PCDHGA9: variants seen among roughly 807,000 people sequenced by gnomAD.
PCDHGA9 encodes protocadherin gamma-A9.
Under a neutral mutation model 62.5 loss-of-function variants are expected in PCDHGA9, and 37 were observed. The observed-to-expected ratio is 0.59, with a 90% CI of 0.46 to 0.78. The LOEUF is 0.78. Ranked by LOEUF, PCDHGA9 falls within the 30% of genes least tolerant of loss-of-function variation. The probability of loss-of-function intolerance (pLI) is 0.00; values close to 1 mark genes in which losing one functional copy is unlikely to be tolerated. For synonymous variants in PCDHGA9, 459 were observed against 484.6 expected (o/e 0.95, Z 0.69); for missense variants, 1,138 against 1,166.2 (o/e 0.98, Z 0.35).
At chr5:141,418,068 C>T (rs1292846589) in intron 1 of PCDHGA9, 4 of 1,614,002 alleles carry the variant, frequency 2.5e-6, no homozygotes, top group Non-Finnish European at 3.4e-6. Flanking sequence ...CGAGTGAGCG[C>T]GGAGAAGCTG....
At chr5:141,430,115 A>G (rs930805574) in intron 1 of PCDHGA9, among the ~76,000 whole-genome samples, 1 of 152,194 alleles carries the variant, frequency 6.6e-6, no homozygotes, top group Non-Finnish European at 1.5e-5. Context: ...CATGTCAACA[A>G]CCTGGTAAAG....
chr5:141,476,864 C>T lies in PCDHGA9; in HGVS notation c.2425-17943C>T, dbSNP rs1318457627. ...GCCTGTCTTCAACCAGTCCTTGTAC[C>T]GGGCGCGCGTCCTGGAGGATGCACC... is the stretch of plus-strand genomic sequence containing the variant. On this transcript the variant is annotated intron_variant, in intron 1 of 3. Coordinates refer to ENST00000573521, the MANE Select transcript of PCDHGA9 (RefSeq NM_018921.3). This position sits in a 1 kb window ranked among gnomAD's most constrained non-coding sequence, Gnocchi z 7.6. 4.3e-6 allele frequency: 7 copies of T among 1,613,838 alleles called. No homozygotes were observed. Among genetic ancestry groups the T allele is most frequent in the Non-Finnish European group, 5.9e-6 (7 of 1,180,044 alleles).
chr5:141,427,429 G>A (rs2097025761), intron 1 of PCDHGA9: 1 of 471,078 alleles, frequency 2.1e-6, no homozygotes, highest in African/African-American at 2.0e-5. Flanking sequence ...GAGGTTACAT[G>A]CCTCATAAAC....
chr5:141,456,122 C>A (rs1411002229), intron 1 of PCDHGA9, among the ~76,000 whole-genome samples: 1 of 152,176 alleles, frequency 6.6e-6, no homozygotes, highest in East Asian at 1.9e-4. Context: ...TGGTCTCCAT[C>A]TCCTGACCTC....
Position 141,491,402 on chromosome 5 carries a change from C to T in PCDHGA9, c.2425-3405C>T. 1 of 1,614,156 alleles carries T rather than the reference C, an allele frequency of 6.2e-7. No individual in the cohort carries two copies. Among genetic ancestry groups the T allele is most frequent in the Non-Finnish European group, 8.5e-7 (1 of 1,180,022 alleles). ...TCAGCGAAGTGCCTTCAGGGAAACG[C>T]AGACGGGGACGGGGGTGGAGGGCAG... On this transcript the variant is annotated intron_variant, in intron 1 of 3. Transcript: ENST00000573521. The surrounding 1 kb of genome is among the most constrained non-coding windows in gnomAD (Gnocchi z 6.9).
rs1243958567 is a variant in PCDHGA9, at chr5:141,418,557, T to C, written c.2424+13181T>C. 4.3e-6 allele frequency: 7 copies of C among 1,613,860 alleles called. No homozygotes were observed. The East Asian group carries it at 1.6e-4, about 36-fold the overall frequency. On this transcript the variant is annotated intron_variant, in intron 1 of 3. Coordinates refer to ENST00000573521, the MANE Select transcript of PCDHGA9 (RefSeq NM_018921.3). ...ACTGCTCAGATAAGAATCCTGGTAA[T>C]AGATGCCAATGACAACCCCCCAGTG... is the stretch of plus-strand genomic sequence containing the variant.
chr5:141,509,575 T>C (rs186302231), intron 3 of PCDHGA9, among the ~76,000 whole-genome samples: 153 of 152,320 alleles, frequency 1.0e-3, no homozygotes, highest in African/African-American at 3.7e-3. Flanking sequence ...TCACAGTGCG[T>C]ACAAATCAGC....
intron 2 of PCDHGA9, among the ~76,000 whole-genome samples, chr5:141,501,049 A>G (rs1458722311): frequency 1.3e-5 from 2 of 151,844 alleles, no homozygotes; most frequent in African/African-American, 2.4e-5. Flanking sequence ...TTGTATTTTT[A>G]GTAGAGACGG....
chr5:141,422,508 C>T (rs2096653251), intron 1 of PCDHGA9: 1 of 1,613,984 alleles, frequency 6.2e-7, no homozygotes, highest in Non-Finnish European at 8.5e-7. Flanking sequence ...CAGCCACAGA[C>T]CAGGGAAGCC....
At chr5:141,460,987 A>C (rs201722325) in intron 1 of PCDHGA9, among the ~76,000 whole-genome samples, 1 of 92,990 alleles carries the variant, frequency 1.1e-5, no homozygotes, top group South Asian at 3.4e-4. Context: ...GTGTGTGTAT[A>C]TATATATATG....
intron 1 of PCDHGA9, chr5:141,423,369 A>C: frequency 1.9e-6 from 3 of 1,614,104 alleles, no homozygotes; most frequent in Non-Finnish European, 2.5e-6. Flanking sequence ...TGCTGCTGGC[A>C]CTCAGGCTGT....
rs1206130340 is a variant in PCDHGA9, at chr5:141,473,814, G to A, written c.2425-20993G>A. On this transcript the variant is annotated intron_variant, in intron 1 of 3. Coordinates refer to ENST00000573521, the MANE Select transcript of PCDHGA9 (RefSeq NM_018921.3). ...GTATGATGCTACTGAGGAGCAGCTG[G>A]ACAATTGTGTGATCCAATTAAAATT... Among the ~76,000 whole-genome samples, 5 of 152,188 alleles carry A rather than the reference G, an allele frequency of 3.3e-5. No individual in the cohort carries two copies. The East Asian group carries it at 9.6e-4, about 29-fold the overall frequency.
Position 141,405,326 on chromosome 5 carries a change from T to TGC in PCDHGA9, c.2376_2377dup (p.Val793AlafsTer10). ...GAGCTGTGAGAAAAATGAGCCTTTG[T>TGC]GCGTCTCTGTTGATTCCAAGTTTCC... On this transcript the variant is annotated frameshift_variant, in exon 1 of 4. Transcript: ENST00000573521. LOFTEE classifies it high-confidence loss of function. The TGC allele has an allele frequency of 6.2e-7, 1 of 1,614,220 alleles. No homozygotes were observed. The highest frequency in any genetic ancestry group is 8.5e-7 in the Non-Finnish European group (1 of 1,180,032).
intron 1 of PCDHGA9, among the ~76,000 whole-genome samples, chr5:141,447,542 T>G (rs980012061): frequency 1.3e-5 from 2 of 152,216 alleles, no homozygotes; most frequent in African/African-American, 4.8e-5. Context: ...TGGGTTTTAA[T>G]GTTATGAGTA....
rs1351754228 is a variant in PCDHGA9, at chr5:141,403,974, A to G, written c.1022A>G (p.Asn341Ser). The G allele has an allele frequency of 6.2e-7, 1 of 1,613,872 alleles. No individual in the cohort carries two copies. Among genetic ancestry groups the G allele is most frequent in the African/African-American group, 1.3e-5 (1 of 75,032 alleles). Residue 341 changes from asparagine (N) to serine (S), a missense_variant, in exon 1 of 4, where the codon AAT becomes AGT. Transcript: ENST00000573521. ...GTGCTCATTTCGGTGGAAGATGTAA[A>G]TGACAATAGACCTGAAGTGACCATT... ...TKVLISVEDV[N>S]DNRPEVTITS... is the part of the protein sequence containing the mutation.
chr5:141,409,875 A>G, intron 1 of PCDHGA9: 1 of 1,612,810 alleles, frequency 6.2e-7, no homozygotes, highest in Non-Finnish European at 8.5e-7. Flanking sequence ...CGCAATGACA[A>G]CGCACCGCGG....
At chr5:141,423,089 G>A in intron 1 of PCDHGA9, 1 of 1,614,016 alleles carries the variant, frequency 6.2e-7, no homozygotes, top group Non-Finnish European at 8.5e-7. Flanking sequence ...TTCGCGGTGG[G>A]GGAGCACACG....
rs746968245 is a variant in PCDHGA9, at chr5:141,489,575, A to AC, written c.2425-5227dup. 2 of 1,613,788 alleles carry AC rather than the reference A, an allele frequency of 1.2e-6. No homozygotes were observed. Among genetic ancestry groups the AC allele is most frequent in the Non-Finnish European group, 1.7e-6 (2 of 1,179,960 alleles). On this transcript the variant is annotated intron_variant, in intron 1 of 3. Coordinates refer to ENST00000573521, the MANE Select transcript of PCDHGA9 (RefSeq NM_018921.3). The surrounding 1 kb of genome is among the most constrained non-coding windows in gnomAD (Gnocchi z 4.5). ...CTGCCAGTGCAGGTGGTGACTGAACACCCCCTGGAGCTAATCCGTGTAGAG... is the reference window on the plus strand; with the variant it reads ...CTGCCAGTGCAGGTGGTGACTGAACACCCCCCTGGAGCTAATCCGTGTAGAG...
intron 1 of PCDHGA9, chr5:141,423,426 GGCAGGTA>G: frequency 1.9e-6 from 3 of 1,614,028 alleles, no homozygotes; most frequent in Non-Finnish European, 2.5e-6. Flanking sequence ...AAGGCGGGTT[GGCAGGTA>G]TGCCCACGTC....
Sources: gnomAD v4.1 joint callset for allele counts (sites outside exome capture counted in the v4.1 genomes callset) on GRCh38, gnomAD v4.1.1 for gene constraint, Gnocchi (gnomAD v3.1) non-coding constraint, MANE v1.5 for transcripts, NCBI Gene and HGNC (gene_info 2026-07-23, HGNC 2026-07-21) for gene names.